Variants in NPAS3 observed in about 807,000 individuals in gnomAD.
NPAS3 encodes the protein neuronal PAS domain protein 3, also known as neuronal PAS domain-containing protein 3.
NPAS3 carries 14 observed loss-of-function variants against 73.1 expected under a neutral mutation model. The ratio of observed to expected loss-of-function variants is 0.19; its 90% confidence interval spans 0.13 to 0.30. The LOEUF is 0.30. NPAS3 is among the 10% of genes least tolerant of loss of function. The probability of loss-of-function intolerance (pLI) is 1.00; values close to 1 mark genes in which losing one functional copy is unlikely to be tolerated. For missense variants in NPAS3, 1,096 were observed against 1,250.0 expected (o/e 0.88, Z 1.86); for synonymous variants, 620 against 541.5 (o/e 1.14, Z -2.01).
At chr14:33,778,571 C>A in exon 9 of NPAS3, 2 of 1,602,206 alleles carry the variant, frequency 1.2e-6, no homozygotes, top group Non-Finnish European at 1.7e-6. Context: ...GTCACTTGGA[C>A]TGTAAGTACC....
At chr14:33,022,264 A>G (rs1487782583) in intron 1 of NPAS3, among the ~76,000 whole-genome samples, 2 of 152,260 alleles carry the variant, frequency 1.3e-5, no homozygotes. Flanking sequence ...ACATTGGAGC[A>G]TATGCCTTGA....
intron 2 of NPAS3, among the ~76,000 whole-genome samples, chr14:33,088,649 T>G (rs1385509114): frequency 6.6e-6 from 1 of 152,202 alleles, no homozygotes; most frequent in Non-Finnish European, 1.5e-5. Context: ...GACTTAAATG[T>G]CCCTGTGTGA....
chr14:33,186,104 C>T (rs774921506), intron 2 of NPAS3, among the ~76,000 whole-genome samples: 1 of 152,118 alleles, frequency 6.6e-6, no homozygotes, highest in Non-Finnish European at 1.5e-5. Flanking sequence ...AGACTCCCCC[C>T]CACCCACAAG....
At chr14:33,616,934 T>C (rs1878055372) in intron 5 of NPAS3, among the ~76,000 whole-genome samples, 1 of 152,224 alleles carries the variant, frequency 6.6e-6, no homozygotes, top group Admixed American at 6.5e-5. Context: ...GTTTTAGAGT[T>C]AGTGATGAAT....
chr14:33,526,500 T>TA (rs1203194795), intron 4 of NPAS3, among the ~76,000 whole-genome samples: 3 of 151,980 alleles, frequency 2.0e-5, no homozygotes, highest in African/African-American at 7.2e-5. Context: ...ACTGGGCTCT[T>TA]ACAGGCTGAT....
At chr14:33,738,641 G>T (rs1037455989) in intron 7 of NPAS3, among the ~76,000 whole-genome samples, 10 of 152,204 alleles carry the variant, frequency 6.6e-5, no homozygotes, top group African/African-American at 7.2e-5. Flanking sequence ...CAGGAAAGTC[G>T]CCCTCTCTCC....
At chr14:33,746,088 C>T (rs2061781943) in intron 7 of NPAS3, among the ~76,000 whole-genome samples, 1 of 152,152 alleles carries the variant, frequency 6.6e-6, no homozygotes, top group African/African-American at 2.4e-5. Flanking sequence ...CAAACTGCCC[C>T]TGTGGCTTGA....
chr14:33,113,026 A>G (rs981560134), intron 2 of NPAS3, among the ~76,000 whole-genome samples: 9 of 152,190 alleles, frequency 5.9e-5, no homozygotes, highest in African/African-American at 2.2e-4. Flanking sequence ...ATTGGTCTGT[A>G]TCTCTGTTTT....
chr14:33,394,450 G>A (rs570079835), intron 4 of NPAS3, among the ~76,000 whole-genome samples: 45 of 152,192 alleles, frequency 3.0e-4, no homozygotes, highest in African/African-American at 9.9e-4. Flanking sequence ...AAAGCTTAAC[G>A]TATCAAATGA....
At chr14:33,151,841 A>G (rs947982305) in intron 2 of NPAS3, among the ~76,000 whole-genome samples, 1 of 152,204 alleles carries the variant, frequency 6.6e-6, no homozygotes, top group Non-Finnish European at 1.5e-5. Context: ...AGTGAAGAAT[A>G]AAGTTAGTCT....
intron 1 of NPAS3, among the ~76,000 whole-genome samples, chr14:33,045,731 A>G (rs2040485666): frequency 6.6e-6 from 1 of 152,290 alleles, no homozygotes; most frequent in East Asian, 1.9e-4. Context: ...TAAAAATAGT[A>G]TGGGGTAAAG....
intron 7 of NPAS3, among the ~76,000 whole-genome samples, chr14:33,769,424 C>G (rs183259621): frequency 6.6e-6 from 1 of 152,330 alleles, no homozygotes; most frequent in African/African-American, 2.4e-5. Context: ...TCGTCATCGT[C>G]CTGTGGGACA....
At chr14:33,321,025 G>A (rs1195049158) in intron 3 of NPAS3, among the ~76,000 whole-genome samples, 1 of 152,104 alleles carries the variant, frequency 6.6e-6, no homozygotes, top group Non-Finnish European at 1.5e-5. Flanking sequence ...ATGATGCAAA[G>A]CACCACACTA....
At chr14:33,602,753 T>C (rs911864646) in intron 5 of NPAS3, among the ~76,000 whole-genome samples, 22 of 152,204 alleles carry the variant, frequency 1.4e-4, no homozygotes, top group Admixed American at 1.4e-3. Flanking sequence ...ATATTCAGAC[T>C]TATCCTGACA....
At chr14:33,034,046 T>A (rs1255433837) in intron 1 of NPAS3, among the ~76,000 whole-genome samples, 2 of 152,208 alleles carry the variant, frequency 1.3e-5, no homozygotes, top group Non-Finnish European at 2.9e-5. Flanking sequence ...ATAAATGTAA[T>A]GGCTTTTAAT....
intron 2 of NPAS3, among the ~76,000 whole-genome samples, chr14:33,142,210 T>TTTTC (rs1169933358): frequency 2.0e-5 from 3 of 147,616 alleles, no homozygotes; most frequent in Non-Finnish European, 4.5e-5. Flanking sequence ...TTTTTTTTTT[T>TTTTC]TTTTACTAAA....
intron 1 of NPAS3, among the ~76,000 whole-genome samples, chr14:33,024,296 A>G (rs2039720601): frequency 6.6e-6 from 1 of 151,550 alleles, no homozygotes; most frequent in Non-Finnish European, 1.5e-5. Flanking sequence ...CTCAGCCTGC[A>G]GAGTAGCTGG....
At chr14:33,114,727 C>T (rs75411134) in intron 2 of NPAS3, among the ~76,000 whole-genome samples, 5,820 of 152,092 alleles carry the variant, frequency 0.038, 114 homozygotes, top group African/African-American at 0.048. Flanking sequence ...TACTTATTGA[C>T]GAGATCCAGT....
At chr14:33,170,130 G>T (rs1270417810) in intron 2 of NPAS3, among the ~76,000 whole-genome samples, 3 of 152,064 alleles carry the variant, frequency 2.0e-5, no homozygotes, top group Non-Finnish European at 4.4e-5. Context: ...GAGAGTTACA[G>T]GCATACCTTA....
Sources: allele counts gnomAD v4.1 joint callset (sites outside exome capture counted in the v4.1 genomes callset), GRCh38; gene constraint gnomAD v4.1.1; transcripts MANE v1.5; gene names NCBI Gene and HGNC (gene_info 2026-07-23, HGNC 2026-07-21).